The following TGM4 variants were observed in gnomAD, a reference collection of about 807,000 sequenced individuals.
TGM4 encodes transglutaminase 4.
Under a neutral mutation model 76.3 loss-of-function variants are expected in TGM4, and 61 were observed. That is an observed-to-expected ratio of 0.80 (90% CI 0.65 to 0.99). The LOEUF (loss-of-function observed/expected upper bound fraction) is 0.99, where lower values mean the gene tolerates loss of function less well. Among genes scored for constraint, TGM4 ranks in the 50% least tolerant of loss-of-function variants. The pLI is 0.00. For missense variants in TGM4, 794 were observed against 843.2 expected, an observed-to-expected ratio of 0.94 and a Z score of 0.72; for synonymous variants, 337 against 329.8, an observed-to-expected ratio of 1.02 and a Z score of -0.24.
rs887385364 is a variant in TGM4, at chr3:44,886,221, G to A, written c.193+723G>A. 1.1e-4 allele frequency among the ~76,000 whole-genome samples: 16 copies of A among 142,308 alleles called. 1 individual carries two copies. The highest frequency in any genetic ancestry group is 4.2e-4 in the African/African-American group (16 of 37,712). The allele number at this position is 142,308 out of a possible 152,430, so 93.4% of individuals were successfully genotyped here. On this transcript the variant is annotated intron_variant, in intron 2 of 13. Coordinates refer to ENST00000296125, the MANE Select transcript of TGM4 (RefSeq NM_003241.4). ...TAGCTGGGCATAGTGGCAGGTGCCT[G>A]TAATCCCAGCTATTCGGGAGGCTGA...
intron 11 of TGM4, among the ~76,000 whole-genome samples, chr3:44,910,588 C>T (rs774730135): frequency 2.0e-5 from 3 of 152,112 alleles, no homozygotes; most frequent in Non-Finnish European, 4.4e-5. Context: ...CTGGGTCTAT[C>T]GTAGAGTTAT....
intron 13 of TGM4, among the ~76,000 whole-genome samples, chr3:44,911,992 G>T (rs766556984): frequency 6.6e-6 from 1 of 152,016 alleles, no homozygotes; most frequent in Non-Finnish European, 1.5e-5. Context: ...CACCACACCC[G>T]GCTAATTTTT....
At chr3:44,903,689 T>C in intron 8 of TGM4, 195 bp from the exon 9 acceptor site, 2 of 598,668 alleles carry the variant, frequency 3.3e-6, no homozygotes, top group Non-Finnish European at 3.0e-6. Context: ...CTCTGTGCCC[T>C]GGGAGGCTTT....
At chr3:44,881,767 A>G (rs1699536234) in intron 1 of TGM4, among the ~76,000 whole-genome samples, 2 of 152,234 alleles carry the variant, frequency 1.3e-5, no homozygotes, top group Non-Finnish European at 2.9e-5. Flanking sequence ...GTATATCGCC[A>G]TCTGGAGATT....
intron 1 of TGM4, among the ~76,000 whole-genome samples, chr3:44,879,265 C>CTCTCTCTATA (rs1482970491): frequency 4.3e-5 from 4 of 92,292 alleles, no homozygotes; most frequent in African/African-American, 1.3e-4. Context: ...CTCTCTCTCT[C>CTCTCTCTATA]TATATATATA....
intron 8 of TGM4, among the ~76,000 whole-genome samples, chr3:44,902,554 C>T (rs747650238): frequency 6.6e-6 from 1 of 152,090 alleles, no homozygotes; most frequent in Non-Finnish European, 1.5e-5. Context: ...GAGCCGAGAT[C>T]GCACCACTGC....
rs1312666480 is a variant in TGM4, at chr3:44,874,664, AGAGAATCT to A, written c.-12_-5del. 1.2e-6 allele frequency: 2 copies of A among 1,614,082 alleles called. No individual in the cohort carries two copies. The highest frequency in any genetic ancestry group is 2.7e-5 in the African/African-American group (2 of 74,934). On this transcript the variant is annotated 5_prime_UTR_variant, in exon 1 of 14. Transcript: ENST00000296125. ...ATAGAGTCTTCCCTGGCATTGCAGG[AGAGAATCT>A]GAAGGGATGATGGATGCATCAAAAG...
intron 6 of TGM4, 91 bp downstream of exon 6, chr3:44,896,907 T>C (rs1699786839): frequency 2.0e-6 from 2 of 1,009,400 alleles, no homozygotes; most frequent in African/African-American, 1.6e-5. Flanking sequence ...GTAAGCTCTT[T>C]GAAGTACACC....
In TGM4 at chr3:44,914,470, T is replaced by C. The variant is rs972434454; in HGVS notation, c.*745T>C. 6.6e-6 allele frequency: 1 copy of C among 152,176 alleles called. No individual in the cohort carries two copies. The highest frequency in any genetic ancestry group is 6.5e-5 in the Admixed American group (1 of 15,290). The allele number at this position is 152,176 out of a possible 1,614,324, so 9.4% of individuals were successfully genotyped here. The stretch of plus-strand genomic sequence containing the variant: ...TTCCTCCCTGGTGTGAACTCTTTCT[T>C]TGGTATTCCATCCACTATCCTGGCA... On this transcript the variant is annotated 3_prime_UTR_variant, in exon 14 of 14. Transcript: ENST00000296125.
At chr3:44,880,356 C>G (rs984723666) in intron 1 of TGM4, among the ~76,000 whole-genome samples, 1 of 152,214 alleles carries the variant, frequency 6.6e-6, no homozygotes, top group Non-Finnish European at 1.5e-5. Context: ...CCAAGGACAA[C>G]TGTTTATTTT....
chr3:44,906,943 C>T lies in TGM4; in HGVS notation c.1076-6C>T. 6.2e-7 allele frequency: 1 copy of T among 1,612,962 alleles called. No homozygotes were observed. Among genetic ancestry groups the T allele is most frequent in the South Asian group, 1.1e-5 (1 of 91,018 alleles). On this transcript the variant is annotated splice_region_variant and splice_polypyrimidine_tract_variant and intron_variant, in intron 9 of 13. Transcript: ENST00000296125. ...CTGAGAGTGACCACCCCTGGCTTCC[C>T]CTCAGGTGTCTTCTGCTGTGGGCCA...
Position 44,910,331 on chromosome 3 carries a change from G to C in TGM4, c.1569G>C (p.Leu523=), listed in dbSNP as rs755248171. 8 of 1,614,016 alleles carry C rather than the reference G, an allele frequency of 5.0e-6. No homozygotes were observed. The highest frequency in any genetic ancestry group is 3.3e-5 in the Admixed American group (2 of 60,002). Residue 523 remains leucine, a synonymous_variant, in exon 11 of 14, where the codon CTG becomes CTC. Transcript: ENST00000296125. The part of the protein sequence containing the change: ...QLYTGKKMAK[L]CDLNKTSQIQ... ...ACACTGGCAAGAAGATGGCAAAACT[G>C]TGTGACCTCAATAAGACCTCGCAGA...
Position 44,906,519 on chromosome 3 carries a change from A to T in TGM4, c.1076-430A>T, listed in dbSNP as rs140983178. Among the ~76,000 whole-genome samples, 90 of 152,338 alleles carry T rather than the reference A, an allele frequency of 5.9e-4. No homozygotes were observed. The East Asian group carries it at 0.016, about 27-fold the overall frequency. ...GCTAAGTACTTTGCCTGGATTATTT[A>T]ATTTAATCTTCGCAATAGCCTTAGA... On this transcript the variant is annotated intron_variant, in intron 9 of 13. Transcript: ENST00000296125.
chr3:44,879,261 C>CTATATATATA (rs1185276628), intron 1 of TGM4, among the ~76,000 whole-genome samples: 36 of 93,314 alleles, frequency 3.9e-4, no homozygotes, highest in Middle Eastern at 6.0e-3. Context: ...CTCTCTCTCT[C>CTATATATATA]TCTCTATATA....
chr3:44,895,444 T>C (rs888880925), intron 5 of TGM4, among the ~76,000 whole-genome samples: 1 of 152,046 alleles, frequency 6.6e-6, no homozygotes, highest in Non-Finnish European at 1.5e-5. Flanking sequence ...CTGGGCAACA[T>C]AGGGAGACCT....
At chr3:44,908,126 G>T (rs906959358) in intron 10 of TGM4, among the ~76,000 whole-genome samples, 4 of 152,176 alleles carry the variant, frequency 2.6e-5, no homozygotes, top group Admixed American at 1.3e-4. Context: ...CCTTGTACAA[G>T]GTAGGCCTGC....
chr3:44,903,137 A>G (rs897178848), intron 8 of TGM4, among the ~76,000 whole-genome samples: 1 of 152,238 alleles, frequency 6.6e-6, no homozygotes, highest in Non-Finnish European at 1.5e-5. Context: ...TCAACTGAGT[A>G]CAGGTGTATT....
At chr3:44,907,448 A>C (rs1410379813) in intron 10 of TGM4, among the ~76,000 whole-genome samples, 1 of 151,988 alleles carries the variant, frequency 6.6e-6, no homozygotes, top group Non-Finnish European at 1.5e-5. Flanking sequence ...ATGCCACTGC[A>C]CTCCAGCCTG....
chr3:44,906,997 A>T lies in TGM4; in HGVS notation c.1124A>T (p.Asp375Val). 6.2e-7 allele frequency: 1 copy of T among 1,614,112 alleles called. No individual in the cohort carries two copies. The highest frequency in any genetic ancestry group is 8.5e-7 in the Non-Finnish European group (1 of 1,180,006). Residue 375 changes from aspartate (D) to valine (V), a missense_variant, in exon 10 of 14, where the codon GAC becomes GTC. Physicochemically the swap from Asp to Val is radical, Grantham distance 152. Coordinates refer to ENST00000296125, the MANE Select transcript of TGM4 (RefSeq NM_003241.4). ...CCACTGACCGCCATCCGCAAAGGTG[A>T]CATCTTTATTGTCTATGACACCAGA... ...PSPLTAIRKGDIFIVYDTRFV... is the reference protein window; with the variant it reads ...PSPLTAIRKGVIFIVYDTRFV...
Sources: gnomAD v4.1 joint callset for allele counts (sites outside exome capture counted in the v4.1 genomes callset) on GRCh38, gnomAD v4.1.1 for gene constraint, MANE v1.5 for transcripts, NCBI Gene and HGNC (gene_info 2026-07-23, HGNC 2026-07-21) for gene names.